ZNF804A: variants seen among roughly 807,000 people sequenced by gnomAD.
ZNF804A encodes zinc finger protein 804A.
A neutral mutation model predicts 16.5 loss-of-function variants in ZNF804A; 2 were observed. The observed-to-expected ratio is 0.12, with a 90% CI of 0.05 to 0.38. The LOEUF is 0.38. Ranked by LOEUF, ZNF804A falls within the 10% of genes least tolerant of loss-of-function variation. ZNF804A has a pLI of 0.99. For synonymous variants in ZNF804A, 534 were observed against 489.6 expected (o/e 1.09, Z -1.20); for missense variants, 1,473 against 1,390.7 (o/e 1.06, Z -0.94).
At position 184,828,496 on chromosome 2, in the gene ZNF804A, A is replaced by T. The variant is rs1452553770; in HGVS notation, c.112-37873A>T. 2.6e-5 allele frequency among the ~76,000 whole-genome samples: 4 copies of T among 151,476 alleles called. No individual in the cohort carries two copies. In the East Asian group the frequency reaches 7.7e-4, roughly 29 times the overall value. On this transcript the variant is annotated intron_variant, in intron 1 of 3. Transcript: ENST00000302277. The stretch of plus-strand genomic sequence containing the variant: ...AAGAGCTCTTTGTTTATTTTCCTTC[A>T]TTAAAATTTCCAAATTTTCCTTCAT...
chr2:184,794,431 T>C (rs1250202792), intron 1 of ZNF804A, among the ~76,000 whole-genome samples: 1 of 152,096 alleles, frequency 6.6e-6, no homozygotes, highest in African/African-American at 2.4e-5. Flanking sequence ...TTCTCTTTTT[T>C]CTTGCTAATT....
chr2:184,642,323 A>C (rs887255204), intron 1 of ZNF804A, among the ~76,000 whole-genome samples: 2 of 152,054 alleles, frequency 1.3e-5, no homozygotes, highest in African/African-American at 4.8e-5. Flanking sequence ...GCAATTACTC[A>C]CCATTTCTAC....
At position 184,598,992 on chromosome 2, in the gene ZNF804A, G is replaced by A; in HGVS notation, c.33G>A (p.Thr11=). ...GTTACTACATTGTCATCAGCTCCAC[G>A]CATCTCAGCAACGGACACTTTCGCA... MECYYIVISS[T]HLSNGHFRNI... is the part of the protein sequence containing the mutation. Residue 11 remains threonine (T), a synonymous_variant, in exon 1 of 4, where the codon ACG becomes ACA. Coordinates refer to ENST00000302277, the MANE Select transcript of ZNF804A (RefSeq NM_194250.2). 4 of 1,613,892 alleles carry A rather than the reference G, an allele frequency of 2.5e-6. No homozygotes were observed. The highest frequency in any genetic ancestry group is 3.4e-6 in the Non-Finnish European group (4 of 1,179,852).
At chr2:184,607,819 A>G (rs1315517155) in intron 1 of ZNF804A, among the ~76,000 whole-genome samples, 1 of 151,666 alleles carries the variant, frequency 6.6e-6, no homozygotes, top group African/African-American at 2.4e-5. Context: ...GTACAGAGTT[A>G]TGTCAATGTC....
At chr2:184,706,094 C>G (rs201900055) in intron 1 of ZNF804A, among the ~76,000 whole-genome samples, 1 of 152,184 alleles carries the variant, frequency 6.6e-6, no homozygotes, top group East Asian at 1.9e-4. Flanking sequence ...CAACATAACT[C>G]TTCACCAGAC....
chr2:184,763,629 GCTTT>G (rs1694073713), intron 1 of ZNF804A, among the ~76,000 whole-genome samples: 2 of 59,126 alleles, frequency 3.4e-5, no homozygotes, highest in African/African-American at 1.3e-4. Flanking sequence ...TCTTCAAAGT[GCTTT>G]TTTTTTTTTT....
At chr2:184,842,954 G>C (rs910031885) in intron 1 of ZNF804A, among the ~76,000 whole-genome samples, 4 of 152,084 alleles carry the variant, frequency 2.6e-5, no homozygotes, top group African/African-American at 9.7e-5. Flanking sequence ...TTCTACTAAG[G>C]GATACTCCCA....
At chr2:184,654,758 T>G (rs1244940893) in intron 1 of ZNF804A, among the ~76,000 whole-genome samples, 1 of 152,196 alleles carries the variant, frequency 6.6e-6, no homozygotes, top group Admixed American at 6.5e-5. Context: ...TGCATTGGAA[T>G]AGCATCATGG....
intron 1 of ZNF804A, among the ~76,000 whole-genome samples, chr2:184,734,130 A>T (rs1165195573): frequency 6.6e-6 from 1 of 152,078 alleles, no homozygotes; most frequent in Non-Finnish European, 1.5e-5. Flanking sequence ...GCTGGAGTGC[A>T]GTGGTCTGGT....
chr2:184,763,024 A>G (rs989956189), intron 1 of ZNF804A, among the ~76,000 whole-genome samples: 1 of 152,206 alleles, frequency 6.6e-6, no homozygotes, highest in African/African-American at 2.4e-5. Flanking sequence ...AAATGTATCA[A>G]ATAATTTTAA....
intron 1 of ZNF804A, among the ~76,000 whole-genome samples, chr2:184,690,881 G>A (rs1221755758): frequency 2.0e-5 from 3 of 151,748 alleles, no homozygotes; most frequent in Non-Finnish European, 4.4e-5. Flanking sequence ...ATGTGAACAG[G>A]TATACAAATA....
intron 2 of ZNF804A, among the ~76,000 whole-genome samples, chr2:184,900,444 G>C (rs1685161716): frequency 6.6e-6 from 1 of 151,964 alleles, no homozygotes; most frequent in Non-Finnish European, 1.5e-5. Context: ...TATAGACAGG[G>C]GTAGATCACC....
intron 1 of ZNF804A, among the ~76,000 whole-genome samples, chr2:184,653,675 A>G (rs940794937): frequency 1.3e-5 from 2 of 152,180 alleles, no homozygotes; most frequent in Admixed American, 1.3e-4. Flanking sequence ...GCCCACATGC[A>G]TGGTGGCCTG....
intron 1 of ZNF804A, among the ~76,000 whole-genome samples, chr2:184,787,199 T>C (rs1391797311): frequency 6.6e-6 from 1 of 151,994 alleles, no homozygotes; most frequent in Non-Finnish European, 1.5e-5. Flanking sequence ...GCTAATAAAT[T>C]AGAACATTCA....
chr2:184,649,785 A>C (rs1290866980), intron 1 of ZNF804A, among the ~76,000 whole-genome samples: 1 of 150,850 alleles, frequency 6.6e-6, no homozygotes, highest in Non-Finnish European at 1.5e-5. Context: ...AGACCAATAT[A>C]CTGTTGTGAA....
chr2:184,731,589 A>C (rs1317415929), intron 1 of ZNF804A, among the ~76,000 whole-genome samples: 1 of 53,306 alleles, frequency 1.9e-5, no homozygotes, highest in Non-Finnish European at 3.4e-5. Context: ...TTTTTTTTTG[A>C]GACAGGGTCT....
At chr2:184,859,903 C>G (rs982352384) in intron 1 of ZNF804A, among the ~76,000 whole-genome samples, 2 of 152,322 alleles carry the variant, frequency 1.3e-5, no homozygotes, top group South Asian at 4.1e-4. Context: ...TCCACAGGGG[C>G]TGCCTTGGCA....
intron 1 of ZNF804A, among the ~76,000 whole-genome samples, chr2:184,627,963 G>A (rs1171365078): frequency 1.3e-5 from 2 of 152,290 alleles, no homozygotes; most frequent in African/African-American, 4.8e-5. Context: ...AGTTTCTTAT[G>A]TATAACTGTC....
intron 1 of ZNF804A, among the ~76,000 whole-genome samples, chr2:184,704,292 A>G (rs956500151): frequency 5.9e-5 from 9 of 151,812 alleles, no homozygotes; most frequent in African/African-American, 2.2e-4. Flanking sequence ...AGCTGGGATT[A>G]TAGGCATGCT....
Sources: gnomAD v4.1 joint callset for allele counts (sites outside exome capture counted in the v4.1 genomes callset) on GRCh38, gnomAD v4.1.1 for gene constraint, MANE v1.5 for transcripts, NCBI Gene and HGNC (gene_info 2026-07-23, HGNC 2026-07-21) for gene names.